The following BRAF variants were observed in gnomAD, a reference collection of about 807,000 sequenced individuals.
BRAF encodes the protein B-Raf proto-oncogene, serine/threonine kinase.
A neutral mutation model predicts 104.6 loss-of-function variants in BRAF; 16 were observed. The ratio of observed to expected loss-of-function variants is 0.15; its 90% confidence interval spans 0.10 to 0.23. The LOEUF (loss-of-function observed/expected upper bound fraction) is 0.23. BRAF is among the 10% of genes least tolerant of loss of function. BRAF has a pLI of 1.00. For missense variants in BRAF, 541 were observed against 937.3 expected (o/e 0.58, Z 5.52); for synonymous variants, 310 against 341.6 (o/e 0.91, Z 1.02).
chr7:140,899,440 T>TC (rs907097265), intron 1 of BRAF, among the ~76,000 whole-genome samples: 2 of 152,100 alleles, frequency 1.3e-5, no homozygotes, highest in African/African-American at 4.8e-5. Flanking sequence ...AAAGGATTTT[T>TC]CCCCCCAATT....
At chr7:140,860,820 G>A (rs1241868446) in intron 1 of BRAF, among the ~76,000 whole-genome samples, 1 of 152,114 alleles carries the variant, frequency 6.6e-6, no homozygotes, top group Non-Finnish European at 1.5e-5. Context: ...TAAAGCTAAG[G>A]ATGAGCATAT....
chr7:140,870,091 TAGAG>T (rs1444725820), intron 1 of BRAF, among the ~76,000 whole-genome samples: 1 of 152,038 alleles, frequency 6.6e-6, no homozygotes, highest in East Asian at 1.9e-4. Flanking sequence ...AACATGTAAA[TAGAG>T]AGAAAAGAGA....
chr7:140,817,821 A>G (rs927301572), intron 3 of BRAF, among the ~76,000 whole-genome samples: 1 of 152,208 alleles, frequency 6.6e-6, no homozygotes, highest in African/African-American at 2.4e-5. Flanking sequence ...TTGTCATAAC[A>G]AAAAAATCCA....
intron 1 of BRAF, among the ~76,000 whole-genome samples, chr7:140,896,883 G>C (rs1013544338): frequency 2.6e-4 from 31 of 121,016 alleles, no homozygotes; most frequent in Non-Finnish European, 3.4e-4. Flanking sequence ...AAAAAAAAAA[G>C]GGGTGGGGGG....
chr7:140,737,935 C>T (rs926458880), intron 18 of BRAF, among the ~76,000 whole-genome samples: 8 of 152,040 alleles, frequency 5.3e-5, no homozygotes, highest in Non-Finnish European at 2.9e-5. Flanking sequence ...AGCATTTTGC[C>T]CCTTTTAATA....
chr7:140,797,808 A>C (rs1802643531), intron 7 of BRAF, among the ~76,000 whole-genome samples: 1 of 152,226 alleles, frequency 6.6e-6, no homozygotes, highest in African/African-American at 2.4e-5. Context: ...AGAATCTGTC[A>C]GGAGAAAATA....
At chr7:140,863,766 C>T (rs1162270027) in intron 1 of BRAF, among the ~76,000 whole-genome samples, 3 of 152,248 alleles carry the variant, frequency 2.0e-5, no homozygotes, top group South Asian at 4.2e-4. Context: ...CCATGTAAGA[C>T]GCACCTGCTC....
chr7:140,881,975 G>C (rs773789732), intron 1 of BRAF, among the ~76,000 whole-genome samples: 4 of 152,122 alleles, frequency 2.6e-5, no homozygotes, highest in East Asian at 1.9e-4. Context: ...TTGAAATATT[G>C]CAAGAATTAC....
At chr7:140,921,907 T>G (rs542415326) in intron 1 of BRAF, among the ~76,000 whole-genome samples, 8 of 152,242 alleles carry the variant, frequency 5.3e-5, no homozygotes, top group African/African-American at 1.9e-4. Flanking sequence ...TAATTTGCAG[T>G]AAAAGATCCC....
At chr7:140,808,139 A>T in intron 4 of BRAF, 77 bp from the exon 5 acceptor site, 2 of 1,210,728 alleles carry the variant, frequency 1.7e-6, no homozygotes, top group Non-Finnish European at 2.4e-6. Flanking sequence ...AAGATATGAA[A>T]ATTGGTTATC....
In BRAF at chr7:140,825,591, C is replaced by T. The variant is rs377515125; in HGVS notation, c.504+9018G>A. On this transcript the variant is annotated intron_variant, in intron 3 of 19. Transcript: ENST00000644969. ...GTTCAATTTCCTTTATACAGTAAAC[C>T]TTCTTGGACAATTCCTTCAAGTAGA... is the stretch of plus-strand genomic sequence containing the variant. 1.6e-4 allele frequency among the ~76,000 whole-genome samples: 25 copies of T among 152,214 alleles called. 1 individual carries two copies. The highest frequency in any genetic ancestry group is 5.8e-4 in the African/African-American group (24 of 41,550).
At chr7:140,750,257 A>T (rs1398849294) in intron 16 of BRAF, among the ~76,000 whole-genome samples, 3 of 152,334 alleles carry the variant, frequency 2.0e-5, no homozygotes, top group African/African-American at 7.2e-5. Flanking sequence ...TGACAATGTC[A>T]ATTTGACAGC....
rs1336089186 is a variant in BRAF at position 140,924,540 on chromosome 7, G to A, written c.138+26C>T. The A allele has an allele frequency of 1.3e-6, 2 of 1,533,958 alleles. No homozygotes were observed. The highest frequency in any genetic ancestry group is 1.7e-6 in the Non-Finnish European group (2 of 1,146,312). ...CAGCCGCCGAGCCCGGAGTCGGGAG[G>A]GCGGCAGGGTGGCGCCAGCACTCAC... On this transcript the variant is annotated intron_variant, in intron 1 of 19. Coordinates refer to ENST00000644969, the MANE Select transcript of BRAF (RefSeq NM_001374258.1). The surrounding 1 kb of genome is among the most constrained non-coding windows in gnomAD (Gnocchi z 4.2).
chr7:140,876,085 G>C (rs1358731706), intron 1 of BRAF, among the ~76,000 whole-genome samples: 1 of 152,174 alleles, frequency 6.6e-6, no homozygotes, highest in Non-Finnish European at 1.5e-5. Flanking sequence ...TTTAATGGTT[G>C]AAAGTAAAAA....
intron 1 of BRAF, among the ~76,000 whole-genome samples, chr7:140,886,926 A>G (rs563099056): frequency 6.6e-6 from 1 of 152,302 alleles, no homozygotes; most frequent in Non-Finnish European, 1.5e-5. Flanking sequence ...TTAATCTGGC[A>G]ATAATGTTTA....
At chr7:140,855,723 A>G (rs1202255856) in intron 1 of BRAF, among the ~76,000 whole-genome samples, 1 of 152,002 alleles carries the variant, frequency 6.6e-6, no homozygotes, top group African/African-American at 2.4e-5. Flanking sequence ...AACAAAGATA[A>G]CATAAAAAAA....
chr7:140,745,407 A>G (rs1325637650), intron 17 of BRAF, among the ~76,000 whole-genome samples: 1 of 152,218 alleles, frequency 6.6e-6, no homozygotes, highest in East Asian at 1.9e-4. Flanking sequence ...CAGAGCAGAA[A>G]GCAGGAAACT....
chr7:140,865,743 G>A (rs1394494356), intron 1 of BRAF, among the ~76,000 whole-genome samples: 1 of 152,160 alleles, frequency 6.6e-6, no homozygotes, highest in East Asian at 1.9e-4. Flanking sequence ...GGAGTTTGAT[G>A]ATCATAGTTC....
intron 1 of BRAF, among the ~76,000 whole-genome samples, chr7:140,858,132 T>C (rs1341160393): frequency 6.6e-6 from 1 of 152,178 alleles, no homozygotes; most frequent in East Asian, 1.9e-4. Flanking sequence ...GAGAACAGGA[T>C]ACTTACATAG....
Sources: gnomAD v4.1 joint callset for allele counts (sites outside exome capture counted in the v4.1 genomes callset) on GRCh38, gnomAD v4.1.1 for gene constraint, Gnocchi (gnomAD v3.1) non-coding constraint, MANE v1.5 for transcripts, NCBI Gene and HGNC (gene_info 2026-07-23, HGNC 2026-07-21) for gene names.